Variants in MAGI2 observed in about 807,000 individuals in gnomAD.
MAGI2 encodes the protein membrane-associated guanylate kinase, WW and PDZ domain-containing protein 2.
MAGI2 carries 35 observed loss-of-function variants against 133.3 expected under a neutral mutation model. The ratio of observed to expected loss-of-function variants is 0.26; its 90% confidence interval spans 0.20 to 0.35. The LOEUF is 0.35. Ranked by LOEUF, MAGI2 falls within the 10% of genes least tolerant of loss-of-function variation. The pLI, the probability that MAGI2 is intolerant of heterozygous loss-of-function variation, is 1.00. For synonymous variants in MAGI2, 729 were observed against 710.6 expected, an observed-to-expected ratio of 1.03 and a Z score of -0.41; for missense variants, 1,636 against 1,863.4, an observed-to-expected ratio of 0.88 and a Z score of 2.25.
intron 1 of MAGI2, among the ~76,000 whole-genome samples, chr7:79,325,146 A>G (rs1201471068): frequency 1.3e-5 from 2 of 152,134 alleles, no homozygotes; most frequent in East Asian, 1.9e-4. Flanking sequence ...CTCTGCCTCC[A>G]GTAACTTCTA....
At chr7:79,054,208 A>C (rs1176241614) in intron 1 of MAGI2, among the ~76,000 whole-genome samples, 2 of 152,186 alleles carry the variant, frequency 1.3e-5, no homozygotes, top group African/African-American at 4.8e-5. Context: ...TCAATCAATA[A>C]AAATAAATAT....
chr7:78,144,179 T>C (rs1212328952), intron 16 of MAGI2, among the ~76,000 whole-genome samples: 1 of 152,118 alleles, frequency 6.6e-6, no homozygotes. Flanking sequence ...AAATTAAACA[T>C]AACCAAAATG....
chr7:78,813,557 G>T (rs879447498), intron 2 of MAGI2, among the ~76,000 whole-genome samples: 14 of 152,046 alleles, frequency 9.2e-5, no homozygotes, highest in Non-Finnish European at 4.4e-5. Flanking sequence ...AGGCCGAGAC[G>T]GGCGGATCAC....
chr7:78,339,770 T>C (rs76411043), intron 9 of MAGI2, among the ~76,000 whole-genome samples: 7,852 of 152,252 alleles, frequency 0.052, 245 homozygotes, highest in South Asian at 0.13. Flanking sequence ...TTGGACACCC[T>C]CTAACTCACT....
rs141579414 is a variant in MAGI2, at chr7:79,010,477, A to G, written c.302-3271T>C. 5.3e-5 allele frequency among the ~76,000 whole-genome samples: 8 copies of G among 152,278 alleles called. No individual in the cohort carries two copies. The East Asian group carries it at 1.5e-3, about 29-fold the overall frequency. On this transcript the variant is annotated intron_variant, in intron 1 of 21. Transcript: ENST00000354212. Reference sequence around the variant, plus strand: ...GCAAGCTAAAAAATACAGAGTTCTAAAAAGTGTACAATAAATGTTATCTAT... The same window carrying G: ...GCAAGCTAAAAAATACAGAGTTCTAGAAAGTGTACAATAAATGTTATCTAT...
At chr7:79,066,860 T>C (rs1371918429) in intron 1 of MAGI2, among the ~76,000 whole-genome samples, 1 of 152,194 alleles carries the variant, frequency 6.6e-6, no homozygotes, top group Non-Finnish European at 1.5e-5. Flanking sequence ...ATTCATTAAA[T>C]AGGGAATCCT....
chr7:78,489,895 A>T, intron 5 of MAGI2, 55 bp from the exon 6 acceptor site: 5 of 1,216,050 alleles, frequency 4.1e-6, no homozygotes, highest in African/African-American at 2.9e-5. Context: ...AATCAAGTTT[A>T]TTCCTTAAGA....
chr7:79,401,071 AT>A (rs1563189569), intron 1 of MAGI2, among the ~76,000 whole-genome samples: 1 of 152,176 alleles, frequency 6.6e-6, no homozygotes, highest in Non-Finnish European at 1.5e-5. Context: ...TTAAGTAGGA[AT>A]TTTCAAAGAT....
At chr7:78,356,875 TC>T (rs1792138251) in intron 7 of MAGI2, among the ~76,000 whole-genome samples, 1 of 152,194 alleles carries the variant, frequency 6.6e-6, no homozygotes, top group African/African-American at 2.4e-5. Context: ...GTCTGAGTGG[TC>T]CTTCTCTTCC....
intron 2 of MAGI2, among the ~76,000 whole-genome samples, chr7:78,913,315 T>C (rs1471332812): frequency 1.3e-5 from 2 of 152,084 alleles, no homozygotes; most frequent in South Asian, 4.1e-4. Flanking sequence ...TGATAGTAAG[T>C]GCATTCTCCT....
chr7:79,074,656 A>C (rs1815299014), intron 1 of MAGI2, among the ~76,000 whole-genome samples: 1 of 152,210 alleles, frequency 6.6e-6, no homozygotes, highest in Admixed American at 6.5e-5. Context: ...GAAGCATGAA[A>C]AGTTGAATTA....
chr7:78,455,606 A>G (rs1014016134), intron 6 of MAGI2, among the ~76,000 whole-genome samples: 1 of 152,196 alleles, frequency 6.6e-6, no homozygotes, highest in Non-Finnish European at 1.5e-5. Context: ...AAATAAAAAT[A>G]TATTATGCAG....
chr7:78,571,676 T>C (rs1349980400), intron 3 of MAGI2, among the ~76,000 whole-genome samples: 1 of 151,728 alleles, frequency 6.6e-6, no homozygotes, highest in Non-Finnish European at 1.5e-5. Context: ...GGTTTGATCA[T>C]GGAAATAACA....
At chr7:79,349,438 G>C (rs913417927) in intron 1 of MAGI2, among the ~76,000 whole-genome samples, 2 of 151,766 alleles carry the variant, frequency 1.3e-5, no homozygotes, top group African/African-American at 4.8e-5. Context: ...GATTAAATAA[G>C]ATGACCTTCA....
chr7:78,406,615 A>G (rs1016069728), intron 6 of MAGI2, among the ~76,000 whole-genome samples: 2 of 152,190 alleles, frequency 1.3e-5, no homozygotes, highest in Non-Finnish European at 2.9e-5. Context: ...ATAGATTGCT[A>G]TAAGTCTGTA....
At chr7:78,093,136 CAA>C (rs1157039018) in intron 20 of MAGI2, among the ~76,000 whole-genome samples, 19 of 32,328 alleles carry the variant, frequency 5.9e-4, no homozygotes, top group Non-Finnish European at 5.0e-4. Context: ...ACTCCTTCTC[CAA>C]AAAAAAAAAA....
chr7:78,227,227 C>T (rs1008706790), intron 10 of MAGI2, among the ~76,000 whole-genome samples: 8 of 152,156 alleles, frequency 5.3e-5, no homozygotes, highest in African/African-American at 1.9e-4. Flanking sequence ...TGTTGTCAGT[C>T]ATTTTTCTAA....
At chr7:78,446,779 A>G (rs1788185063) in intron 6 of MAGI2, among the ~76,000 whole-genome samples, 1 of 152,112 alleles carries the variant, frequency 6.6e-6, no homozygotes, top group Admixed American at 6.6e-5. Context: ...TGCTCTTCAA[A>G]TGAAGCTTCA....
rs139004354 is a variant in MAGI2, at chr7:78,661,438, T to C, written c.419-34199A>G. Among the ~76,000 whole-genome samples the C allele has an allele frequency of 1.3e-3, 204 of 152,340 alleles. 1 individual carries two copies. Among genetic ancestry groups the C allele is most frequent in the African/African-American group, 4.7e-3 (195 of 41,584 alleles). ...CAGGTCCCTAACTCAGCATTGCCCA[T>C]AGAAGTCAGCAGCTCTTAATGTTCC... On this transcript the variant is annotated intron_variant, in intron 2 of 21. Coordinates refer to ENST00000354212, the MANE Select transcript of MAGI2 (RefSeq NM_012301.4).
Sources: allele counts gnomAD v4.1 joint callset (sites outside exome capture counted in the v4.1 genomes callset), GRCh38; gene constraint gnomAD v4.1.1; transcripts MANE v1.5; gene names NCBI Gene and HGNC (gene_info 2026-07-23, HGNC 2026-07-21).